The following FAM178B variants were observed in gnomAD, a reference collection of about 807,000 sequenced individuals.
The protein encoded by FAM178B is family with sequence similarity 178 member B.
Under a neutral mutation model 91.7 loss-of-function variants are expected in FAM178B, and 82 were observed. The observed-to-expected ratio is 0.89, with a 90% CI of 0.75 to 1.07. The LOEUF is 1.07. FAM178B is among the 50% of genes least tolerant of loss of function. The pLI is 0.00. For missense variants in FAM178B, 769 were observed against 846.7 expected (o/e 0.91, Z 1.14); for synonymous variants, 368 against 359.4 (o/e 1.02, Z -0.27).
At chr2:96,909,993 G>C (rs1484448661) in intron 12 of FAM178B, among the ~76,000 whole-genome samples, 1 of 152,128 alleles carries the variant, frequency 6.6e-6, no homozygotes, top group Non-Finnish European at 1.5e-5. Flanking sequence ...CATTTGACCC[G>C]CATTCCTTCA....
intron 16 of FAM178B, among the ~76,000 whole-genome samples, chr2:96,877,125 T>C (rs1293856350): frequency 6.6e-6 from 1 of 152,072 alleles, no homozygotes; most frequent in Non-Finnish European, 1.5e-5. Context: ...ACACTAGCTG[T>C]GACTATCACA....
chr2:96,892,892 G>C (rs2080716878), intron 14 of FAM178B, among the ~76,000 whole-genome samples: 1 of 152,200 alleles, frequency 6.6e-6, no homozygotes, highest in South Asian at 2.1e-4. Flanking sequence ...CTTGGCACAA[G>C]AGAAGGGGCA....
intron 12 of FAM178B, among the ~76,000 whole-genome samples, chr2:96,916,453 C>T (rs1235359248): frequency 1.3e-5 from 2 of 152,358 alleles, no homozygotes; most frequent in East Asian, 3.9e-4. Flanking sequence ...TGAAGCAGCG[C>T]ACACAGGATG....
At chr2:96,925,017 C>T (rs556124903) in intron 9 of FAM178B, among the ~76,000 whole-genome samples, 13 of 152,116 alleles carry the variant, frequency 8.5e-5, no homozygotes, top group Non-Finnish European at 1.8e-4. Flanking sequence ...CTCAGTCCTT[C>T]TTCCAGATTT....
At position 96,921,174 on chromosome 2, in the gene FAM178B, G is replaced by A. The variant is rs1214634056; in HGVS notation, c.1553C>T (p.Ser518Phe). The change falls in exon 12 of 17, where the codon TCC (serine) becomes TTC (phenylalanine). Residue 518 changes from serine to phenylalanine, a missense_variant. Transcript: ENST00000490605. ...ALVQFFPDMT[S>F]RSRRLRSQLS... ...GGGGAGCAGCACGCACCTGCTCCGG[G>A]AGGTCATGTCTGGGAAGAACTGCAC... is the stretch of plus-strand genomic sequence containing the variant. The A allele has an allele frequency of 6.4e-7, 1 of 1,551,528 alleles. No individual in the cohort carries two copies. Among genetic ancestry groups the A allele is most frequent in the South Asian group, 1.2e-5 (1 of 84,034 alleles).
chr2:96,899,315 C>A (rs534721446), intron 13 of FAM178B, among the ~76,000 whole-genome samples: 1 of 152,350 alleles, frequency 6.6e-6, no homozygotes, highest in African/African-American at 2.4e-5. Flanking sequence ...ATGGCCGTGG[C>A]CGACTTGCTC....
intron 12 of FAM178B, among the ~76,000 whole-genome samples, chr2:96,910,223 T>C (rs1459324489): frequency 6.6e-6 from 1 of 152,076 alleles, no homozygotes; most frequent in Non-Finnish European, 1.5e-5. Context: ...GAGGAGCACA[T>C]CAAGCACCAT....
At chr2:96,887,146 C>T (rs373794287) in intron 14 of FAM178B, among the ~76,000 whole-genome samples, 1 of 151,998 alleles carries the variant, frequency 6.6e-6, no homozygotes, top group Non-Finnish European at 1.5e-5. Flanking sequence ...ATCCAGGAGG[C>T]GGAGCTTGTA....
Position 96,878,117 on chromosome 2 carries a change from C to T in FAM178B, c.1855-75G>A, listed in dbSNP as rs976205352. 59 of 1,517,514 alleles carry T rather than the reference C, an allele frequency of 3.9e-5. No individual in the cohort carries two copies. In the Middle Eastern group the frequency reaches 1.1e-3, roughly 29 times the overall value. The allele number at this position is 1,517,514 out of a possible 1,614,324, so 94.0% of individuals were successfully genotyped here. A position where few individuals can be genotyped will look rare whatever the true frequency, so the allele number is the denominator to read the frequency against. ...CATCCAAAGCCGGGCAGGAGGAGAA[C>T]AAATTCAGAGAAAGGAAGGGGCACA... On this transcript the variant is annotated intron_variant, in intron 15 of 16. Transcript: ENST00000490605.
At chr2:96,913,914 G>A (rs1453288187) in intron 12 of FAM178B, among the ~76,000 whole-genome samples, 3 of 152,260 alleles carry the variant, frequency 2.0e-5, no homozygotes, top group Non-Finnish European at 4.4e-5. Flanking sequence ...CTTCTGTGCA[G>A]AGGAGGGTGC....
At chr2:96,884,027 G>T (rs1387611990) in intron 14 of FAM178B, among the ~76,000 whole-genome samples, 1 of 152,244 alleles carries the variant, frequency 6.6e-6, no homozygotes, top group Admixed American at 6.5e-5. Flanking sequence ...AAAGGCTGAA[G>T]CTGTGCTGGT....
At chr2:96,898,805 T>C (rs1355951845) in intron 13 of FAM178B, among the ~76,000 whole-genome samples, 2 of 152,130 alleles carry the variant, frequency 1.3e-5, no homozygotes, top group Non-Finnish European at 2.9e-5. Context: ...TGTGCTGTTG[T>C]ACATGGGAGC....
intron 14 of FAM178B, among the ~76,000 whole-genome samples, chr2:96,882,323 T>G (rs1009630683): frequency 2.0e-5 from 3 of 152,204 alleles, no homozygotes; most frequent in Non-Finnish European, 4.4e-5. Flanking sequence ...GACACCCGAT[T>G]CGCCCAGCTC....
intron 8 of FAM178B, among the ~76,000 whole-genome samples, chr2:96,938,573 G>A (rs1443540462): frequency 6.6e-6 from 1 of 152,236 alleles, no homozygotes; most frequent in Non-Finnish European, 1.5e-5. Flanking sequence ...AAAAGATGCT[G>A]CTGTCCACCG....
Position 96,914,993 on chromosome 2 carries a change from A to G in FAM178B, c.1562+6172T>C, listed in dbSNP as rs142454324. ...TGATGTGGGGCAGGGGTGGGGGGCA[A>G]TGGGTGAGGGAAGGAGGAGTCTCCA... On this transcript the variant is annotated intron_variant, in intron 12 of 16. Transcript: ENST00000490605. 5.6e-3 allele frequency among the ~76,000 whole-genome samples: 855 copies of G among 152,060 alleles called. 10 individuals are homozygous for G. Among genetic ancestry groups the G allele is most frequent in the African/African-American group, 0.02 (818 of 41,474 alleles).
At chr2:96,936,731 G>A (rs1222076579) in intron 8 of FAM178B, among the ~76,000 whole-genome samples, 5 of 151,444 alleles carry the variant, frequency 3.3e-5, no homozygotes, top group East Asian at 1.9e-4. Context: ...GGCTGGTCTC[G>A]AACTCCTGAC....
chr2:96,875,987 A>G lies in FAM178B; in HGVS notation c.*289T>C. The G allele has an allele frequency of 2.1e-6, 1 of 479,080 alleles. No individual in the cohort carries two copies. The highest frequency in any genetic ancestry group is 3.8e-5 in the East Asian group (1 of 26,506). 29.7% of individuals were successfully genotyped at this position (479,080 alleles called of 1,614,324 possible). ...ACTGAGGCCCAGGGAAACCAGAGCT[A>G]TGGAGACAGAGGCCTTAGGGAAGAG... is the stretch of plus-strand genomic sequence containing the variant. On this transcript the variant is annotated 3_prime_UTR_variant, in exon 17 of 17. Coordinates refer to ENST00000490605, the MANE Select transcript of FAM178B (RefSeq NM_001122646.3).
intron 4 of FAM178B, among the ~76,000 whole-genome samples, chr2:96,968,805 C>T (rs987342133): frequency 6.6e-6 from 1 of 152,186 alleles, no homozygotes; most frequent in African/African-American, 2.4e-5. Flanking sequence ...TCTCTGCCTG[C>T]TTCAGTTTCT....
At chr2:96,958,311 C>T (rs2082029243) in intron 6 of FAM178B, among the ~76,000 whole-genome samples, 1 of 152,116 alleles carries the variant, frequency 6.6e-6, no homozygotes, top group Non-Finnish European at 1.5e-5. Context: ...ACCTCATGAT[C>T]CGCCCGCCTC....
Sources: allele counts gnomAD v4.1 joint callset (sites outside exome capture counted in the v4.1 genomes callset), GRCh38; gene constraint gnomAD v4.1.1; transcripts MANE v1.5; gene names NCBI Gene and HGNC (gene_info 2026-07-23, HGNC 2026-07-21).